The following GSG1L variants were observed in gnomAD, a reference collection of about 807,000 sequenced individuals.
GSG1L encodes the protein GSG1 like.
In GSG1L, 24 loss-of-function variants were observed where a neutral mutation model predicts 42.1. That is an observed-to-expected ratio of 0.57 (90% CI 0.41 to 0.80). The LOEUF is 0.80. Among genes scored for constraint, GSG1L ranks in the 30% least tolerant of loss-of-function variants. GSG1L has a pLI of 0.00. For synonymous variants in GSG1L, 215 were observed against 203.5 expected (o/e 1.06, Z -0.48); for missense variants, 445 against 472.2 (o/e 0.94, Z 0.53).
chr16:27,947,995 G>A (rs940050311), intron 2 of GSG1L, among the ~76,000 whole-genome samples: 8 of 152,306 alleles, frequency 5.3e-5, no homozygotes, highest in African/African-American at 1.7e-4. Flanking sequence ...CCCCCATGGT[G>A]TGACGGCCAA....
In GSG1L at chr16:27,917,233, G is replaced by T. The variant is rs192106987; in HGVS notation, c.398-32595C>A. ...TTTCCTGATGGCCTGTTTTGTGCAA[G>T]GTGATGTAACAGGTATTCGGGAGGA... On this transcript the variant is annotated intron_variant, in intron 2 of 6. Coordinates refer to ENST00000447459, the MANE Select transcript of GSG1L (RefSeq NM_001109763.2). 5.3e-4 allele frequency among the ~76,000 whole-genome samples: 81 copies of T among 152,324 alleles called. 1 individual carries two copies. Among genetic ancestry groups the T allele is most frequent in the African/African-American group, 1.9e-3 (80 of 41,576 alleles).
intron 2 of GSG1L, among the ~76,000 whole-genome samples, chr16:27,960,790 C>A (rs573174561): frequency 6.6e-6 from 1 of 152,154 alleles, no homozygotes; most frequent in South Asian, 2.1e-4. Context: ...TGAGAGACAG[C>A]GAGTACGTGA....
intron 1 of GSG1L, among the ~76,000 whole-genome samples, chr16:28,052,220 A>G (rs1341368571): frequency 6.6e-6 from 1 of 151,982 alleles, no homozygotes; most frequent in African/African-American, 2.4e-5. Flanking sequence ...TGGGGTGTGG[A>G]GGAGTCATCT....
At chr16:27,801,004 G>C (rs2082875277) in intron 6 of GSG1L, among the ~76,000 whole-genome samples, 1 of 152,190 alleles carries the variant, frequency 6.6e-6, no homozygotes, top group Admixed American at 6.5e-5. Context: ...ATCAGGGAAG[G>C]CTTCTCGGAG....
intron 1 of GSG1L, among the ~76,000 whole-genome samples, chr16:28,037,578 C>T (rs1355263940): frequency 6.6e-6 from 1 of 152,150 alleles, no homozygotes; most frequent in East Asian, 1.9e-4. Flanking sequence ...ATTGATGTAA[C>T]TCTAGGTCAT....
intron 2 of GSG1L, among the ~76,000 whole-genome samples, chr16:27,955,942 A>G (rs918671766): frequency 4.7e-5 from 7 of 149,324 alleles, no homozygotes; most frequent in African/African-American, 1.7e-4. Context: ...GGAAGGAAGG[A>G]AGGGAGGAAG....
chr16:27,958,566 T>C (rs371873994), intron 2 of GSG1L, among the ~76,000 whole-genome samples: 2 of 152,320 alleles, frequency 1.3e-5, no homozygotes, highest in East Asian at 3.9e-4. Context: ...CGTGTGTGTA[T>C]GTATACATTT....
At chr16:27,804,041 A>G (rs946420200) in intron 6 of GSG1L, among the ~76,000 whole-genome samples, 1 of 39,330 alleles carries the variant, frequency 2.5e-5, no homozygotes, top group Non-Finnish European at 5.7e-5. Context: ...TTAGATGGAT[A>G]GATAGATAGA....
intron 3 of GSG1L, 52 bp from the exon 4 acceptor site, chr16:27,845,113 C>T: frequency 8.3e-7 from 1 of 1,202,282 alleles, no homozygotes; most frequent in Non-Finnish European, 1.2e-6. Context: ...AGGGCTTTGT[C>T]CCCACACACC....
chr16:27,991,632 T>C (rs4788023), intron 1 of GSG1L, among the ~76,000 whole-genome samples: 104,700 of 151,064 alleles, frequency 0.69, 36,806 homozygotes, highest in East Asian at 0.85. Context: ...CTCAAACTCC[T>C]GACCTCAGGT....
chr16:27,815,602 G>A (rs749381038), intron 5 of GSG1L, among the ~76,000 whole-genome samples: 1 of 152,204 alleles, frequency 6.6e-6, no homozygotes, highest in African/African-American at 2.4e-5. Context: ...GGCATCAGGT[G>A]GAACCGGGCA....
At chr16:27,828,049 A>C (rs1484701298) in intron 5 of GSG1L, among the ~76,000 whole-genome samples, 7 of 89,290 alleles carry the variant, frequency 7.8e-5, no homozygotes, top group South Asian at 3.2e-4. Context: ...TATCCACCCA[A>C]TCATCCATCC....
intron 1 of GSG1L, among the ~76,000 whole-genome samples, chr16:27,979,686 A>AAG (rs2085296268): frequency 2.5e-5 from 1 of 40,078 alleles, no homozygotes; most frequent in Admixed American, 2.9e-4. Flanking sequence ...AGAGAAAGAA[A>AAG]GAAGGAAGGA....
At chr16:27,969,240 T>C (rs180946423) in intron 1 of GSG1L, among the ~76,000 whole-genome samples, 1 of 152,312 alleles carries the variant, frequency 6.6e-6, no homozygotes, top group African/African-American at 2.4e-5. Flanking sequence ...TTCATCACAC[T>C]GAAAAGAAAG....
At chr16:27,985,953 T>C (rs1219439159) in intron 1 of GSG1L, among the ~76,000 whole-genome samples, 1 of 152,162 alleles carries the variant, frequency 6.6e-6, no homozygotes, top group Non-Finnish European at 1.5e-5. Flanking sequence ...GCCTTCCTTG[T>C]GGGGTTCCAA....
At chr16:27,963,020 G>A (rs1419942248) in intron 2 of GSG1L, 136 bp downstream of exon 2, 4 of 708,708 alleles carry the variant, frequency 5.6e-6, no homozygotes, top group East Asian at 5.4e-5. Context: ...TTGCAACAGG[G>A]TGTCTGGCTC....
At chr16:27,814,656 G>C (rs2083073628) in intron 5 of GSG1L, among the ~76,000 whole-genome samples, 1 of 144,864 alleles carries the variant, frequency 6.9e-6, no homozygotes, top group South Asian at 2.2e-4. Flanking sequence ...TTGCACTCCA[G>C]CCTGGGTGAC....
chr16:27,930,698 T>C (rs1036376374), intron 2 of GSG1L, among the ~76,000 whole-genome samples: 1 of 152,222 alleles, frequency 6.6e-6, no homozygotes, highest in African/African-American at 2.4e-5. Context: ...TAGTAGGTCC[T>C]TAAAGGATGT....
intron 5 of GSG1L, among the ~76,000 whole-genome samples, chr16:27,827,054 A>T (rs151129163): frequency 1.4e-3 from 216 of 152,306 alleles, no homozygotes; most frequent in Non-Finnish European, 2.8e-3. Context: ...GCAACCTTAC[A>T]TAAGTGTCTT....
Sources: gnomAD v4.1 joint callset for allele counts (sites outside exome capture counted in the v4.1 genomes callset) on GRCh38, gnomAD v4.1.1 for gene constraint, MANE v1.5 for transcripts, NCBI Gene and HGNC (gene_info 2026-07-23, HGNC 2026-07-21) for gene names.